The following CNTNAP2 variants were observed in gnomAD, a reference collection of about 807,000 sequenced individuals.
CNTNAP2 encodes contactin-associated protein-like 2.
In CNTNAP2, 98 loss-of-function variants were observed where a neutral mutation model predicts 155.2. That is an observed-to-expected ratio of 0.63 (90% CI 0.54 to 0.75). CNTNAP2 has a LOEUF of 0.75. CNTNAP2 is among the 30% of genes least tolerant of loss of function. CNTNAP2 has a pLI of 0.00. For synonymous variants in CNTNAP2, 651 were observed against 631.2 expected (o/e 1.03, Z -0.47); for missense variants, 1,727 against 1,688.1 (o/e 1.02, Z -0.40).
At chr7:148,291,313 A>AT (rs397749622) in intron 21 of CNTNAP2, among the ~76,000 whole-genome samples, 11 of 107,468 alleles carry the variant, frequency 1.0e-4, no homozygotes, top group East Asian at 2.0e-4. Flanking sequence ...ATATATATAT[A>AT]AAATATGGAA....
chr7:147,481,787 C>T (rs968852447), intron 10 of CNTNAP2, among the ~76,000 whole-genome samples: 1 of 152,118 alleles, frequency 6.6e-6, no homozygotes, highest in Non-Finnish European at 1.5e-5. Context: ...TGATCCCGGT[C>T]AAGTCATTCT....
intron 1 of CNTNAP2, among the ~76,000 whole-genome samples, chr7:146,151,642 AT>A (rs1562968861): frequency 1.0e-4 from 2 of 19,736 alleles, no homozygotes; most frequent in African/African-American, 2.5e-4. Flanking sequence ...CGTGATATAT[AT>A]ATATATATAT....
At chr7:147,512,909 TTAGA>T (rs1799046697) in intron 11 of CNTNAP2, among the ~76,000 whole-genome samples, 1 of 151,984 alleles carries the variant, frequency 6.6e-6, no homozygotes, top group Non-Finnish European at 1.5e-5. Context: ...TAAGAAACAA[TTAGA>T]GTTAGCAAGC....
chr7:147,801,531 G>C (rs1022110397), intron 13 of CNTNAP2, among the ~76,000 whole-genome samples: 2 of 151,536 alleles, frequency 1.3e-5, no homozygotes, highest in Non-Finnish European at 2.9e-5. Flanking sequence ...GATTCTTAAC[G>C]AGCATGCTGC....
At chr7:146,955,022 G>A (rs1050093702) in intron 3 of CNTNAP2, among the ~76,000 whole-genome samples, 2 of 152,054 alleles carry the variant, frequency 1.3e-5, no homozygotes, top group East Asian at 1.9e-4. Flanking sequence ...TCTTGTTTGT[G>A]TTTGGAACTG....
intron 18 of CNTNAP2, among the ~76,000 whole-genome samples, chr7:148,211,448 G>C (rs1795547389): frequency 6.6e-6 from 1 of 152,212 alleles, no homozygotes; most frequent in South Asian, 2.1e-4. Context: ...CTGAAGGAGT[G>C]GATAGAGCAC....
intron 1 of CNTNAP2, among the ~76,000 whole-genome samples, chr7:146,637,930 GTAT>G (rs952627926): frequency 6.6e-6 from 1 of 152,144 alleles, no homozygotes; most frequent in African/African-American, 2.4e-5. Flanking sequence ...GTACAAATTT[GTAT>G]TATTCTATAT....
At chr7:146,343,298 T>C (rs959186915) in intron 1 of CNTNAP2, among the ~76,000 whole-genome samples, 1 of 152,170 alleles carries the variant, frequency 6.6e-6, no homozygotes, top group Non-Finnish European at 1.5e-5. Flanking sequence ...CTGACCAGAC[T>C]AGAAATCTGA....
intron 12 of CNTNAP2, among the ~76,000 whole-genome samples, chr7:147,580,451 T>TA (rs1800477292): frequency 6.6e-6 from 1 of 152,204 alleles, no homozygotes. Flanking sequence ...TTGAGACTTA[T>TA]GTTTTGACAG....
chr7:146,448,360 T>C (rs1283798419), intron 1 of CNTNAP2, among the ~76,000 whole-genome samples: 1 of 151,964 alleles, frequency 6.6e-6, no homozygotes, highest in Non-Finnish European at 1.5e-5. Flanking sequence ...CCCTATACTC[T>C]GTAATTTCAG....
At chr7:146,886,814 G>A (rs1795673826) in intron 3 of CNTNAP2, among the ~76,000 whole-genome samples, 1 of 150,170 alleles carries the variant, frequency 6.7e-6, no homozygotes, top group Admixed American at 6.7e-5. Flanking sequence ...CTTTATGCGT[G>A]AACACGAAAT....
intron 3 of CNTNAP2, among the ~76,000 whole-genome samples, chr7:146,888,927 CAG>C (rs1177152967): frequency 2.0e-5 from 3 of 152,080 alleles, no homozygotes; most frequent in Non-Finnish European, 4.4e-5. Context: ...GTATCAAGCA[CAG>C]TGCCTATAGC....
chr7:147,039,009 G>C (rs144919184), intron 3 of CNTNAP2, among the ~76,000 whole-genome samples: 166 of 152,014 alleles, frequency 1.1e-3, no homozygotes, highest in African/African-American at 3.9e-3. Context: ...CAACAATACT[G>C]ACTTCCTTGC....
intron 3 of CNTNAP2, among the ~76,000 whole-genome samples, chr7:147,040,980 A>T (rs949478229): frequency 2.6e-5 from 4 of 152,080 alleles, no homozygotes; most frequent in Non-Finnish European, 4.4e-5. Flanking sequence ...TGAAATATCA[A>T]ATCTGTCTTT....
intron 1 of CNTNAP2, among the ~76,000 whole-genome samples, chr7:146,738,196 A>G (rs1801653162): frequency 6.6e-6 from 1 of 152,098 alleles, no homozygotes; most frequent in Admixed American, 6.5e-5. Context: ...CATTTTGATA[A>G]TAGCCATTCT....
intron 1 of CNTNAP2, among the ~76,000 whole-genome samples, chr7:146,304,538 C>G (rs201686161): frequency 6.6e-6 from 1 of 151,882 alleles, no homozygotes; most frequent in Non-Finnish European, 1.5e-5. Context: ...AAGCTTAGTT[C>G]GGCTGGATAT....
At chr7:147,252,760 G>A (rs752856703) in intron 8 of CNTNAP2, among the ~76,000 whole-genome samples, 19 of 152,126 alleles carry the variant, frequency 1.2e-4, no homozygotes, top group Non-Finnish European at 2.9e-5. Flanking sequence ...AGTTTCTGCT[G>A]TTATGTATGC....
intron 11 of CNTNAP2, among the ~76,000 whole-genome samples, chr7:147,537,694 A>C (rs1235900167): frequency 6.6e-6 from 1 of 152,216 alleles, no homozygotes. Flanking sequence ...ATTAAAAATT[A>C]AAATGAAAAA....
At chr7:148,055,825 G>A (rs565356812) in intron 15 of CNTNAP2, among the ~76,000 whole-genome samples, 6 of 152,200 alleles carry the variant, frequency 3.9e-5, no homozygotes, top group Non-Finnish European at 7.4e-5. Flanking sequence ...CATTCCTATC[G>A]CCTTCTTTTA....
Sources: gnomAD v4.1 joint callset for allele counts (sites outside exome capture counted in the v4.1 genomes callset) on GRCh38, gnomAD v4.1.1 for gene constraint, MANE v1.5 for transcripts, NCBI Gene and HGNC (gene_info 2026-07-23, HGNC 2026-07-21) for gene names.